The following ZC3H3 variants were observed in gnomAD, a reference collection of about 807,000 sequenced individuals.
ZC3H3 encodes zinc finger CCCH domain-containing protein 3.
Under a neutral mutation model 77.3 loss-of-function variants are expected in ZC3H3, and 36 were observed. The ratio of observed to expected loss-of-function variants is 0.47; its 90% CI spans 0.36 to 0.61. The LOEUF (loss-of-function observed/expected upper bound fraction) is 0.61, where lower values mean the gene tolerates loss of function less well. Among genes scored for constraint, ZC3H3 ranks in the 20% least tolerant of loss-of-function variants. The probability of loss-of-function intolerance (pLI) is 0.00; values close to 1 mark genes in which losing one functional copy is unlikely to be tolerated. For missense variants in ZC3H3, 1,331 were observed against 1,312.2 expected (o/e 1.01, Z -0.22); for synonymous variants, 626 against 555.2 (o/e 1.13, Z -1.79).
At chr8:143,523,625 T>C (rs761299294) in intron 3 of ZC3H3, 76 of 808,656 alleles carry the variant, frequency 9.4e-5, no homozygotes, top group Admixed American at 1.2e-4. Context: ...CCTGTCCTCA[T>C]CCAGCTTGGG....
At chr8:143,447,630 C>A (rs76243782) in intron 9 of ZC3H3, among the ~76,000 whole-genome samples, 1,770 of 152,274 alleles carry the variant, frequency 0.012, 40 homozygotes, top group African/African-American at 0.04. Context: ...GTTCACAGGC[C>A]GTAGAGGAAG....
chr8:143,461,630 GCC>G (rs543627572), intron 9 of ZC3H3, among the ~76,000 whole-genome samples: 346 of 152,280 alleles, frequency 2.3e-3, no homozygotes, highest in African/African-American at 7.6e-3. Context: ...AGTGTGGAGA[GCC>G]TCTGCAGCGG....
rs371916908 is a variant in ZC3H3 at position 143,538,893 on chromosome 8, C to G, written c.474G>C (p.Arg158Ser). 2.7e-5 allele frequency: 43 copies of G among 1,612,740 alleles called. No homozygotes were observed. The highest frequency in any genetic ancestry group is 3.6e-5 in the Non-Finnish European group (43 of 1,179,960). Residue 158 changes from arginine (R) to serine (S), a missense_variant, in exon 2 of 12, where the codon AGG (arginine) becomes AGC (serine). Physicochemically the swap from Arg to Ser is moderately radical, Grantham distance 110 (BLOSUM62 -1). Coordinates refer to ENST00000262577, the MANE Select transcript of ZC3H3 (RefSeq NM_015117.3). Reference protein sequence around the residue: ...EFEETPWSDQRPREGEGEPPR... With the variant: ...EFEETPWSDQSPREGEGEPPR... ...GGGGCTCACCTTCACCTTCCCGGGG[C>G]CTTTGGTCACTCCAGGGGGTTTCCT...
In ZC3H3 at chr8:143,502,244, C is replaced by T. The variant is rs1434896589; in HGVS notation, c.1715+5502G>A. Among the ~76,000 whole-genome samples the T allele has an allele frequency of 2.0e-5, 3 of 152,358 alleles. No individual in the cohort carries two copies. In the South Asian group the frequency reaches 6.2e-4, roughly 32 times the overall value. On this transcript the variant is annotated intron_variant, in intron 4 of 11. Transcript: ENST00000262577. ...TCTGTGCTACTGTGTGACACGGCCC[C>T]AGCCGACGAAGACAGTGCCCAAACC...
chr8:143,504,267 G>A (rs933683713), intron 4 of ZC3H3, among the ~76,000 whole-genome samples: 21 of 152,134 alleles, frequency 1.4e-4, no homozygotes, highest in South Asian at 2.1e-4. Context: ...GCCCCTTCTC[G>A]TGCCTCCTCA....
intron 3 of ZC3H3, among the ~76,000 whole-genome samples, chr8:143,518,586 C>T (rs888434736): frequency 6.6e-6 from 1 of 152,232 alleles, no homozygotes; most frequent in Non-Finnish European, 1.5e-5. Context: ...CCTGTGACTG[C>T]GGGACAGTGG....
chr8:143,479,749 C>T (rs146528741), intron 4 of ZC3H3, among the ~76,000 whole-genome samples: 66 of 152,330 alleles, frequency 4.3e-4, no homozygotes, highest in Admixed American at 8.5e-4. Flanking sequence ...GGATTTATCA[C>T]CATAACCTTG....
chr8:143,457,419 G>A (rs1023015184), intron 9 of ZC3H3, among the ~76,000 whole-genome samples: 2 of 152,038 alleles, frequency 1.3e-5, no homozygotes, highest in Non-Finnish European at 2.9e-5. Context: ...AAATCTCAAG[G>A]GAAGTAAAAC....
chr8:143,459,952 A>T (rs1214789135), intron 9 of ZC3H3, among the ~76,000 whole-genome samples: 1 of 152,170 alleles, frequency 6.6e-6, no homozygotes, highest in African/African-American at 2.4e-5. Flanking sequence ...TAGTATTAAA[A>T]GTTCTAGCCA....
chr8:143,534,574 G>A (rs987688924), intron 3 of ZC3H3, among the ~76,000 whole-genome samples: 3 of 152,062 alleles, frequency 2.0e-5, no homozygotes, highest in South Asian at 2.1e-4. Flanking sequence ...CAACCACCAC[G>A]CCATCTGCAA....
At chr8:143,517,596 C>T (rs1822101428) in intron 3 of ZC3H3, among the ~76,000 whole-genome samples, 1 of 152,178 alleles carries the variant, frequency 6.6e-6, no homozygotes, top group Non-Finnish European at 1.5e-5. Context: ...GCCCAGGGCA[C>T]GTGCTCTGTG....
chr8:143,443,498 A>G (rs116361911), intron 9 of ZC3H3, among the ~76,000 whole-genome samples: 3,635 of 152,282 alleles, frequency 0.024, 147 homozygotes, highest in African/African-American at 0.083. Context: ...CTGGAAATGT[A>G]TCACCATCTG....
At chr8:143,481,073 C>T (rs1312874536) in intron 4 of ZC3H3, among the ~76,000 whole-genome samples, 1 of 152,242 alleles carries the variant, frequency 6.6e-6, no homozygotes, top group African/African-American at 2.4e-5. Context: ...CCCAGGACAC[C>T]CTCCCTGAGG....
chr8:143,536,732 G>A (rs1393872410), intron 2 of ZC3H3, among the ~76,000 whole-genome samples: 2 of 152,050 alleles, frequency 1.3e-5, no homozygotes, highest in South Asian at 2.1e-4. Flanking sequence ...TCAGTGCTCC[G>A]TCCCCACCCG....
intron 5 of ZC3H3, among the ~76,000 whole-genome samples, chr8:143,471,978 C>A (rs777609835): frequency 1.3e-5 from 2 of 152,216 alleles, no homozygotes; most frequent in Non-Finnish European, 2.9e-5. Context: ...AGGGCGAGTG[C>A]GGCCTCACTG....
intron 4 of ZC3H3, 51 bp from the exon 5 acceptor site, chr8:143,475,636 C>T: frequency 6.6e-7 from 1 of 1,507,160 alleles, no homozygotes. Context: ...CAGACTACAG[C>T]TCTGATGGTC....
At chr8:143,520,109 G>A (rs1224635090) in intron 3 of ZC3H3, among the ~76,000 whole-genome samples, 7 of 152,240 alleles carry the variant, frequency 4.6e-5, no homozygotes, top group Non-Finnish European at 8.8e-5. Context: ...AGGCAGGAGC[G>A]GTGGGGGTGC....
chr8:143,461,948 G>A (rs1179181490), intron 9 of ZC3H3, among the ~76,000 whole-genome samples: 2 of 151,766 alleles, frequency 1.3e-5, no homozygotes, highest in Admixed American at 6.5e-5. Flanking sequence ...AATTGTGTGG[G>A]AGGGAAACTG....
intron 9 of ZC3H3, among the ~76,000 whole-genome samples, chr8:143,457,933 A>G (rs529202861): frequency 6.6e-6 from 1 of 152,146 alleles, no homozygotes; most frequent in East Asian, 1.9e-4. Context: ...AATGTAGAGG[A>G]AAAAAAACAG....
Sources: allele counts gnomAD v4.1 joint callset (sites outside exome capture counted in the v4.1 genomes callset), GRCh38; gene constraint gnomAD v4.1.1; transcripts MANE v1.5; gene names NCBI Gene and HGNC (gene_info 2026-07-23, HGNC 2026-07-21).